Variants in DNAI1 observed in about 807,000 individuals in gnomAD.
DNAI1 encodes the protein dynein, axonemal, intermediate polypeptide 1.
Under a neutral mutation model 92.0 loss-of-function variants are expected in DNAI1, and 67 were observed. The observed-to-expected ratio is 0.73, with a 90% CI of 0.60 to 0.89. DNAI1 has a LOEUF of 0.89. Ranked by LOEUF, DNAI1 falls within the 40% of genes least tolerant of loss-of-function variation. The pLI, the probability that DNAI1 is intolerant of heterozygous loss-of-function variation, is 0.00. For synonymous variants in DNAI1, 323 were observed against 319.6 expected, an observed-to-expected ratio of 1.01 and a Z score of -0.11; for missense variants, 839 against 866.6, an observed-to-expected ratio of 0.97 and a Z score of 0.40.
chr9:34,520,772 C>T lies in DNAI1; in HGVS notation c.*16C>T. On this transcript the variant is annotated 3_prime_UTR_variant, in exon 20 of 20. Transcript: ENST00000242317. ...CAAGACCTGAGGGGCTGGCCTCAGT[C>T]TCTGTCCCATCGCTTGAATACAGTA... is the stretch of plus-strand genomic sequence containing the variant. The T allele has an allele frequency of 1.9e-6, 3 of 1,551,008 alleles. No homozygotes were observed. The highest frequency in any genetic ancestry group is 2.6e-6 in the Non-Finnish European group (3 of 1,146,412).
At chr9:34,467,121 A>G (rs10972129) in intron 1 of DNAI1, among the ~76,000 whole-genome samples, 24,752 of 152,196 alleles carry the variant, frequency 0.16, 2,521 homozygotes, top group East Asian at 0.37. Context: ...AGTAACTTCC[A>G]TATTGTTTCT....
intron 8 of DNAI1, among the ~76,000 whole-genome samples, chr9:34,492,684 G>A (rs1286799053): frequency 6.6e-6 from 1 of 150,766 alleles, no homozygotes; most frequent in Non-Finnish European, 1.5e-5. Context: ...CACACCTGGC[G>A]TATTTTTGTA....
intron 1 of DNAI1, among the ~76,000 whole-genome samples, chr9:34,464,777 G>T (rs1824007524): frequency 6.6e-6 from 1 of 152,136 alleles, no homozygotes; most frequent in Non-Finnish European, 1.5e-5. Context: ...CTTGATGAAT[G>T]TTGAATGAGT....
At chr9:34,461,267 G>A (rs539610807) in intron 1 of DNAI1, among the ~76,000 whole-genome samples, 3 of 152,290 alleles carry the variant, frequency 2.0e-5, no homozygotes, top group East Asian at 1.9e-4. Context: ...GTGAGCCCCC[G>A]TGCCCCAGCA....
chr9:34,503,904 C>T lies in DNAI1; in HGVS notation c.1063+2723C>T, dbSNP rs569577469. Among the ~76,000 whole-genome samples, 29 of 152,234 alleles carry T rather than the reference C, an allele frequency of 1.9e-4. 1 individual carries two copies. The South Asian group carries it at 6.0e-3, about 32-fold the overall frequency. On this transcript the variant is annotated intron_variant, in intron 12 of 19. Coordinates refer to ENST00000242317, the MANE Select transcript of DNAI1 (RefSeq NM_012144.4). ...GAAGGTTAGAAGAAAAGGAACTAGC[C>T]CAAGAAGAGATGGCCTTGGGACTGC...
intron 1 of DNAI1, among the ~76,000 whole-genome samples, chr9:34,461,522 T>G (rs1328247600): frequency 6.6e-6 from 1 of 152,188 alleles, no homozygotes; most frequent in East Asian, 1.9e-4. Flanking sequence ...TCAATTTGTC[T>G]TTTCTAGCAA....
chr9:34,504,303 T>C (rs1200222647), intron 12 of DNAI1, among the ~76,000 whole-genome samples: 1 of 152,230 alleles, frequency 6.6e-6, no homozygotes, highest in African/African-American at 2.4e-5. Flanking sequence ...TTTAAATCTT[T>C]CCTGATCATT....
chr9:34,512,048 C>A, intron 13 of DNAI1, 61 bp from the exon 14 acceptor site: 1 of 1,541,764 alleles, frequency 6.5e-7, no homozygotes, highest in Non-Finnish European at 9.0e-7. Flanking sequence ...CCCTGCTCTG[C>A]CCACAGCCCT....
At chr9:34,466,544 A>G (rs1230174806) in intron 1 of DNAI1, among the ~76,000 whole-genome samples, 1 of 152,184 alleles carries the variant, frequency 6.6e-6, no homozygotes, top group Admixed American at 6.5e-5. Flanking sequence ...AAACTCTAAG[A>G]CACATTACTT....
chr9:34,516,323 A>AT (rs1465164810), intron 18 of DNAI1, among the ~76,000 whole-genome samples: 1 of 152,132 alleles, frequency 6.6e-6, no homozygotes, highest in African/African-American at 2.4e-5. Context: ...CTGTGGGAGG[A>AT]TTTTAAGTGC....
intron 13 of DNAI1, among the ~76,000 whole-genome samples, chr9:34,508,620 C>G (rs1824989436): frequency 6.6e-6 from 1 of 152,168 alleles, no homozygotes; most frequent in African/African-American, 2.4e-5. Context: ...GGGCCAAGCG[C>G]AGAGCATCTC....
intron 1 of DNAI1, among the ~76,000 whole-genome samples, chr9:34,483,152 C>T (rs1587065689): frequency 1.3e-5 from 2 of 152,362 alleles, no homozygotes; most frequent in South Asian, 2.1e-4. Flanking sequence ...TCTCCCTCCA[C>T]GCCTCTCCTT....
chr9:34,479,596 C>T (rs767280313), intron 1 of DNAI1, among the ~76,000 whole-genome samples: 45 of 152,136 alleles, frequency 3.0e-4, no homozygotes, highest in Non-Finnish European at 4.4e-4. Flanking sequence ...AACTGGATCT[C>T]GTTTTCTATT....
At chr9:34,468,325 C>T (rs567870268) in intron 1 of DNAI1, among the ~76,000 whole-genome samples, 2 of 151,404 alleles carry the variant, frequency 1.3e-5, no homozygotes, top group South Asian at 2.1e-4. Context: ...GGGACTAAGG[C>T]GCCCGCCACC....
intron 1 of DNAI1, among the ~76,000 whole-genome samples, chr9:34,462,781 A>G (rs140211488): frequency 2.7e-4 from 41 of 152,318 alleles, no homozygotes; most frequent in African/African-American, 9.4e-4. Context: ...GCCTTAAGAA[A>G]TGGGTTTTGG....
At chr9:34,508,112 A>ATC (rs1824979480) in intron 13 of DNAI1, among the ~76,000 whole-genome samples, 1 of 152,066 alleles carries the variant, frequency 6.6e-6, no homozygotes, top group Non-Finnish European at 1.5e-5. Context: ...GAAGTTGCTC[A>ATC]AGGTCTCTGG....
chr9:34,481,267 T>A (rs1157126250), intron 1 of DNAI1, among the ~76,000 whole-genome samples: 1 of 152,252 alleles, frequency 6.6e-6, no homozygotes, highest in Non-Finnish European at 1.5e-5. Flanking sequence ...AATGTTTTTT[T>A]AAATCTCTTT....
intron 19 of DNAI1, among the ~76,000 whole-genome samples, chr9:34,518,662 G>C (rs1160356755): frequency 1.3e-5 from 2 of 152,258 alleles, no homozygotes; most frequent in African/African-American, 4.8e-5. Flanking sequence ...TCTGAGGAGA[G>C]AGACCCAGGT....
intron 1 of DNAI1, among the ~76,000 whole-genome samples, chr9:34,465,795 T>C (rs1345996734): frequency 1.3e-5 from 2 of 152,232 alleles, no homozygotes; most frequent in Non-Finnish European, 2.9e-5. Flanking sequence ...CATGAAATTG[T>C]TTTCTGCCAG....
Sources: allele counts gnomAD v4.1 joint callset (sites outside exome capture counted in the v4.1 genomes callset), GRCh38; gene constraint gnomAD v4.1.1; transcripts MANE v1.5; gene names NCBI Gene and HGNC (gene_info 2026-07-23, HGNC 2026-07-21).